LRBA: variants seen among roughly 807,000 people sequenced by gnomAD.
LRBA encodes lipopolysaccharide-responsive and beige-like anchor protein.
In LRBA, 176 loss-of-function variants were observed where a neutral mutation model predicts 330.0. The observed-to-expected ratio is 0.53, with a 90% CI of 0.47 to 0.60. The LOEUF (loss-of-function observed/expected upper bound fraction) is 0.60, where lower values mean the gene tolerates loss of function less well. Among genes scored for constraint, LRBA ranks in the 20% least tolerant of loss-of-function variants. LRBA has a pLI of 0.00. For missense variants in LRBA, 3,259 were observed against 3,444.8 expected, an observed-to-expected ratio of 0.95 and a Z score of 1.35; for synonymous variants, 1,230 against 1,193.0, an observed-to-expected ratio of 1.03 and a Z score of -0.64.
intron 51 of LRBA, chr4:150,315,039 A>C (rs1731537878): frequency 6.4e-6 from 1 of 155,258 alleles, no homozygotes; most frequent in Non-Finnish European, 1.4e-5. Context: ...CTGCAATTGC[A>C]CATTAATCCC....
At chr4:150,385,846 C>T (rs1033386698) in intron 47 of LRBA, among the ~76,000 whole-genome samples, 2 of 152,144 alleles carry the variant, frequency 1.3e-5, no homozygotes, top group Admixed American at 1.3e-4. Flanking sequence ...GCTAAGCATG[C>T]TATCCCATGA....
chr4:150,596,562 AC>A (rs1773506954), intron 38 of LRBA, among the ~76,000 whole-genome samples: 1 of 151,954 alleles, frequency 6.6e-6, no homozygotes, highest in African/African-American at 2.4e-5. Context: ...TATATTTTAA[AC>A]ATTTAAATTC....
rs766044503 is a variant in LRBA at position 150,929,074 on chromosome 4, G to GAA, written c.217-11_217-10dup. On this transcript the variant is annotated splice_polypyrimidine_tract_variant and intron_variant, in intron 2 of 56. Transcript: ENST00000651943. ...AACTGTCCTCCTACCAACTTACAAG[G>GAA]AAAAAAAAAAAACACATTAAAAGCA... The GAA allele has an allele frequency of 1.1e-3, 1,337 of 1,230,334 alleles. No homozygotes were observed. The highest frequency in any genetic ancestry group is 3.1e-3 in the African/African-American group (195 of 62,480). The allele number at this position is 1,230,334 out of a possible 1,614,324, so 76.2% of individuals were successfully genotyped here. A position where few individuals can be genotyped will look rare whatever the true frequency, so the allele number is the denominator to read the frequency against.
chr4:150,598,364 T>A (rs1430224810), intron 38 of LRBA, among the ~76,000 whole-genome samples: 1 of 152,164 alleles, frequency 6.6e-6, no homozygotes, highest in East Asian at 1.9e-4. Context: ...CCAATTTACT[T>A]ATAAGACTTT....
At chr4:150,929,503 T>C (rs1734230662) in intron 2 of LRBA, among the ~76,000 whole-genome samples, 2 of 152,320 alleles carry the variant, frequency 1.3e-5, no homozygotes, top group Non-Finnish European at 2.9e-5. Flanking sequence ...TGGTCACACA[T>C]TGGAGTTTAT....
At chr4:150,977,274 T>C (rs1047535657) in intron 2 of LRBA, among the ~76,000 whole-genome samples, 1 of 152,210 alleles carries the variant, frequency 6.6e-6, no homozygotes, top group African/African-American at 2.4e-5. Context: ...TCTTGGATAC[T>C]AGCTCAGCCA....
chr4:150,806,859 A>G (rs1328843704), intron 32 of LRBA, among the ~76,000 whole-genome samples: 1 of 151,828 alleles, frequency 6.6e-6, no homozygotes, highest in African/African-American at 2.4e-5. Flanking sequence ...TAAATTATAA[A>G]AAGCAGTTCT....
intron 36 of LRBA, among the ~76,000 whole-genome samples, chr4:150,730,921 G>T (rs1409673016): frequency 1.3e-5 from 2 of 152,068 alleles, no homozygotes; most frequent in Admixed American, 6.6e-5. Context: ...GGGTGGCTGA[G>T]TCATGAGAAT....
chr4:150,557,985 C>T (rs1452698692), intron 40 of LRBA, among the ~76,000 whole-genome samples: 3 of 152,112 alleles, frequency 2.0e-5, no homozygotes, highest in Non-Finnish European at 2.9e-5. Flanking sequence ...GCAACCTCCA[C>T]CTCCCAGGTT....
Position 150,744,892 on chromosome 4 carries a change from C to T in LRBA, c.5646-9526G>A, listed in dbSNP as rs370847240. Reference sequence around the variant, plus strand: ...TTAATTAGGGTACTTTACATGCCAACGGTGATGGGATAATCACTCTGGTAC... The same window carrying T: ...TTAATTAGGGTACTTTACATGCCAATGGTGATGGGATAATCACTCTGGTAC... On this transcript the variant is annotated intron_variant, in intron 35 of 56. Transcript: ENST00000651943. 1.2e-4 allele frequency among the ~76,000 whole-genome samples: 19 copies of T among 152,230 alleles called. 1 individual carries two copies. The highest frequency in any genetic ancestry group is 4.1e-4 in the African/African-American group (17 of 41,538).
At chr4:150,295,234 C>T in intron 53 of LRBA, among the ~76,000 whole-genome samples, 1 of 128,158 alleles carries the variant, frequency 7.8e-6, no homozygotes, top group African/African-American at 3.0e-5. Flanking sequence ...CAGGGTCTCA[C>T]TCTGTTGCCC....
At chr4:150,760,472 C>T (rs1734924810) in intron 35 of LRBA, among the ~76,000 whole-genome samples, 1 of 151,974 alleles carries the variant, frequency 6.6e-6, no homozygotes, top group Admixed American at 6.6e-5. Flanking sequence ...CGAAATATCA[C>T]AATGACTCTT....
intron 42 of LRBA, among the ~76,000 whole-genome samples, chr4:150,484,810 T>C (rs963204010): frequency 2.0e-5 from 3 of 151,922 alleles, no homozygotes; most frequent in African/African-American, 7.2e-5. Context: ...ATTAGGCACT[T>C]CTTTATCTTC....
intron 46 of LRBA, among the ~76,000 whole-genome samples, chr4:150,430,989 A>C (rs193090440): frequency 0.041 from 3,661 of 88,244 alleles, 149 homozygotes; most frequent in African/African-American, 0.089. Context: ...CCTCAAGAGA[A>C]GGGGAAAAAA....
intron 53 of LRBA, among the ~76,000 whole-genome samples, chr4:150,298,112 C>G (rs952921982): frequency 6.6e-6 from 1 of 152,032 alleles, no homozygotes; most frequent in Non-Finnish European, 1.5e-5. Flanking sequence ...TATATTACAT[C>G]CACCTAAATT....
chr4:150,809,899 CG>C (rs1743429485), intron 31 of LRBA, among the ~76,000 whole-genome samples: 16 of 151,222 alleles, frequency 1.1e-4, no homozygotes, highest in African/African-American at 2.9e-4. Context: ...CGATACGATA[CG>C]ATACGATACG....
chr4:150,848,496 C>G (rs1331765817), intron 26 of LRBA, among the ~76,000 whole-genome samples: 2 of 148,772 alleles, frequency 1.3e-5, no homozygotes, highest in Non-Finnish European at 3.0e-5. Flanking sequence ...GGCGGGATCA[C>G]TTGAGCCCAG....
chr4:150,661,488 GAAGA>G (rs774114487), intron 37 of LRBA, among the ~76,000 whole-genome samples: 42 of 140,022 alleles, frequency 3.0e-4, no homozygotes, highest in Admixed American at 1.7e-3. Context: ...AAAAAAAAAA[GAAGA>G]AAGAAAGAAA....
chr4:150,730,531 A>C (rs1730298816), intron 36 of LRBA, among the ~76,000 whole-genome samples: 1 of 151,830 alleles, frequency 6.6e-6, no homozygotes, highest in Non-Finnish European at 1.5e-5. Flanking sequence ...AAAAATACAA[A>C]AATTAGCTAG....
Sources: allele counts gnomAD v4.1 joint callset (sites outside exome capture counted in the v4.1 genomes callset), GRCh38; gene constraint gnomAD v4.1.1; transcripts MANE v1.5; gene names NCBI Gene and HGNC (gene_info 2026-07-23, HGNC 2026-07-21).